TRAPPC9: variants seen among roughly 807,000 people sequenced by gnomAD.
TRAPPC9 encodes the protein IKK2 binding protein.
TRAPPC9 carries 83 observed loss-of-function variants against 124.0 expected under a neutral mutation model. That is an observed-to-expected ratio of 0.67 (90% CI 0.56 to 0.80). The LOEUF (loss-of-function observed/expected upper bound fraction) is 0.80, where lower values mean the gene tolerates loss of function less well. Ranked by LOEUF, TRAPPC9 falls within the 30% of genes least tolerant of loss-of-function variation. The pLI, the probability that TRAPPC9 is intolerant of heterozygous loss-of-function variation, is 0.00. For missense variants in TRAPPC9, 1,302 were observed against 1,508.3 expected, an observed-to-expected ratio of 0.86 and a Z score of 2.27; for synonymous variants, 638 against 617.5, an observed-to-expected ratio of 1.03 and a Z score of -0.49.
At chr8:139,829,768 A>G (rs752463437) in intron 21 of TRAPPC9, among the ~76,000 whole-genome samples, 1 of 152,230 alleles carries the variant, frequency 6.6e-6, no homozygotes, top group Non-Finnish European at 1.5e-5. Context: ...AAGAATGGAC[A>G]TCTGCTCCTT....
At chr8:139,780,534 G>C (rs1821733498) in intron 21 of TRAPPC9, among the ~76,000 whole-genome samples, 1 of 152,034 alleles carries the variant, frequency 6.6e-6, no homozygotes, top group South Asian at 2.1e-4. Flanking sequence ...AGCTCAAAAT[G>C]GATTGCAGAA....
At chr8:139,968,306 T>C (rs1044386915) in intron 19 of TRAPPC9, among the ~76,000 whole-genome samples, 6 of 152,234 alleles carry the variant, frequency 3.9e-5, no homozygotes, top group Non-Finnish European at 5.9e-5. Context: ...CTATTATCTG[T>C]GTGTCCCCAT....
chr8:140,006,224 C>T (rs1335771270), intron 18 of TRAPPC9, among the ~76,000 whole-genome samples: 1 of 152,104 alleles, frequency 6.6e-6, no homozygotes, highest in African/African-American at 2.4e-5. Flanking sequence ...TGAAGCTTTA[C>T]ATTATTGAAG....
chr8:140,410,437 G>A (rs935488633), intron 5 of TRAPPC9, among the ~76,000 whole-genome samples: 3 of 152,116 alleles, frequency 2.0e-5, no homozygotes, highest in African/African-American at 7.2e-5. Context: ...TCAGGAGGCT[G>A]AGGCACAAGA....
intron 21 of TRAPPC9, among the ~76,000 whole-genome samples, chr8:139,745,513 C>T (rs999139835): frequency 1.3e-5 from 2 of 152,252 alleles, no homozygotes; most frequent in African/African-American, 4.8e-5. Flanking sequence ...GCCTTCAGCA[C>T]GCTCAAAGCG....
At chr8:140,213,788 T>C (rs768670940) in intron 17 of TRAPPC9, among the ~76,000 whole-genome samples, 1 of 152,234 alleles carries the variant, frequency 6.6e-6, no homozygotes, top group Non-Finnish European at 1.5e-5. Context: ...CCTGGCAAAC[T>C]AGTTTCGTTA....
intron 17 of TRAPPC9, among the ~76,000 whole-genome samples, chr8:140,191,757 C>T (rs2131085657): frequency 6.6e-6 from 1 of 152,270 alleles, no homozygotes; most frequent in East Asian, 1.9e-4. Context: ...TAACAGAAAG[C>T]CCAAATGCTT....
intron 21 of TRAPPC9, among the ~76,000 whole-genome samples, chr8:139,828,548 T>C (rs1034733834): frequency 1.3e-5 from 2 of 152,190 alleles, no homozygotes; most frequent in Non-Finnish European, 2.9e-5. Context: ...CGGGAAATGC[T>C]CCTTTGAAGG....
intron 17 of TRAPPC9, among the ~76,000 whole-genome samples, chr8:140,127,056 G>A (rs552125543): frequency 1.3e-5 from 2 of 152,262 alleles, no homozygotes; most frequent in South Asian, 4.1e-4. Flanking sequence ...TATGTATCTG[G>A]AGACACCGCT....
At chr8:139,744,061 G>A (rs1818731617) in intron 21 of TRAPPC9, among the ~76,000 whole-genome samples, 1 of 152,148 alleles carries the variant, frequency 6.6e-6, no homozygotes, top group African/African-American at 2.4e-5. Context: ...CGCCACACAC[G>A]TTCACTCACA....
chr8:139,994,158 C>T (rs1837820063), intron 18 of TRAPPC9, among the ~76,000 whole-genome samples: 1 of 152,172 alleles, frequency 6.6e-6, no homozygotes, highest in Non-Finnish European at 1.5e-5. Context: ...AGAGCTAGTG[C>T]TTAGGGAAGG....
At chr8:139,743,282 C>T (rs1033711465) in intron 21 of TRAPPC9, among the ~76,000 whole-genome samples, 16 of 152,194 alleles carry the variant, frequency 1.1e-4, no homozygotes, top group African/African-American at 3.9e-4. Context: ...AAACTCCCAG[C>T]GACGCCTCCC....
intron 16 of TRAPPC9, among the ~76,000 whole-genome samples, chr8:140,249,205 C>T (rs779689175): frequency 2.1e-4 from 32 of 152,124 alleles, no homozygotes; most frequent in Non-Finnish European, 4.1e-4. Flanking sequence ...GAGTAGCCCC[C>T]GTGTCTGTTG....
chr8:140,431,030 G>C lies in TRAPPC9; in HGVS notation c.859+4082C>G, dbSNP rs539432322. On this transcript the variant is annotated intron_variant, in intron 4 of 22. Coordinates refer to ENST00000438773, the MANE Select transcript of TRAPPC9 (RefSeq NM_001160372.4). ...CTCAGTTGGTTGTTGAAGAAAACAG[G>C]GGTGTTTTTATTGGGCCCCTTTAAG... Among the ~76,000 whole-genome samples, 46 of 152,212 alleles carry C rather than the reference G, an allele frequency of 3.0e-4. 1 individual carries two copies. The South Asian group carries it at 9.6e-3, about 32-fold the overall frequency.
intron 7 of TRAPPC9, among the ~76,000 whole-genome samples, chr8:140,381,204 CAAA>C (rs35624592): frequency 7.3e-5 from 8 of 109,190 alleles, no homozygotes; most frequent in Admixed American, 1.9e-4. Flanking sequence ...AACTCCATCT[CAAA>C]AAAAAAAAAA....
intron 14 of TRAPPC9, among the ~76,000 whole-genome samples, chr8:140,276,518 C>G (rs979192366): frequency 1.3e-5 from 2 of 152,292 alleles, no homozygotes; most frequent in Non-Finnish European, 2.9e-5. Flanking sequence ...CTCCCCGAGG[C>G]TCCTGCACTC....
In TRAPPC9 at chr8:140,353,087, T is replaced by C. The variant is rs531188802; in HGVS notation, c.1495+6963A>G. Among the ~76,000 whole-genome samples, 1 of 152,164 alleles carries C rather than the reference T, an allele frequency of 6.6e-6. No individual in the cohort carries two copies. The highest frequency in any genetic ancestry group is 2.1e-4 in the South Asian group (1 of 4,814). On this transcript the variant is annotated intron_variant, in intron 9 of 22. Coordinates refer to ENST00000438773, the MANE Select transcript of TRAPPC9 (RefSeq NM_001160372.4). This position sits in a 1 kb window ranked among gnomAD's most constrained non-coding sequence, Gnocchi z 4.2. ...AGAAAACACCATCTACCCAGAGGCCTCCAGAAAGACACTGGACCACAGTAG... is the reference window on the plus strand; with the variant it reads ...AGAAAACACCATCTACCCAGAGGCCCCCAGAAAGACACTGGACCACAGTAG...
intron 19 of TRAPPC9, among the ~76,000 whole-genome samples, chr8:139,942,507 T>G (rs960613867): frequency 1.3e-5 from 2 of 152,186 alleles, no homozygotes; most frequent in Non-Finnish European, 2.9e-5. Context: ...TTCTTATTGG[T>G]GCTTAATAGG....
At chr8:139,862,243 T>C (rs1279882034) in intron 21 of TRAPPC9, among the ~76,000 whole-genome samples, 2 of 152,266 alleles carry the variant, frequency 1.3e-5, no homozygotes, top group Non-Finnish European at 2.9e-5. Flanking sequence ...ACAAAAGGGC[T>C]GCTGCCTGTG....
Sources: allele counts gnomAD v4.1 joint callset (sites outside exome capture counted in the v4.1 genomes callset), GRCh38; gene constraint gnomAD v4.1.1; non-coding constraint Gnocchi (gnomAD v3.1); transcripts MANE v1.5; gene names NCBI Gene and HGNC (gene_info 2026-07-23, HGNC 2026-07-21).